PHACTR2: variants seen among roughly 807,000 people sequenced by gnomAD.
The protein encoded by PHACTR2 is phosphatase and actin regulator 2, also known as chromosome 6 open reading frame 56.
A neutral mutation model predicts 76.0 loss-of-function variants in PHACTR2; 30 were observed. The ratio of observed to expected loss-of-function variants is 0.39; its 90% CI spans 0.30 to 0.54. PHACTR2 has a LOEUF of 0.54. PHACTR2 is among the 20% of genes least tolerant of loss of function. The probability of loss-of-function intolerance (pLI) is 0.61; values close to 1 mark genes in which losing one functional copy is unlikely to be tolerated. For missense variants in PHACTR2, 696 were observed against 781.1 expected, an observed-to-expected ratio of 0.89 and a Z score of 1.30; for synonymous variants, 292 against 292.5, an observed-to-expected ratio of 1.00 and a Z score of 0.02.
Position 143,820,844 on chromosome 6 carries a change from G to T in PHACTR2, c.1923-2830G>T, listed in dbSNP as rs1206888733. Reference sequence around the variant, plus strand: ...TGTGGGGGCTGTGCCCTTCCAGTAGGCTTCTGCCTGGACACCCAGGCTTTT... The same window carrying T: ...TGTGGGGGCTGTGCCCTTCCAGTAGTCTTCTGCCTGGACACCCAGGCTTTT... On this transcript the variant is annotated intron_variant, in intron 12 of 12. Transcript: ENST00000440869. This position sits in a 1 kb window ranked among gnomAD's most constrained non-coding sequence, Gnocchi z 4.2. Among the ~76,000 whole-genome samples the T allele has an allele frequency of 1.3e-5, 2 of 152,224 alleles. No individual in the cohort carries two copies. Among genetic ancestry groups the T allele is most frequent in the African/African-American group, 4.8e-5 (2 of 41,450 alleles).
chr6:143,737,676 C>T (rs1778851162), intron 2 of PHACTR2, among the ~76,000 whole-genome samples: 4 of 152,184 alleles, frequency 2.6e-5, no homozygotes, highest in African/African-American at 9.7e-5. Context: ...GTTTCAGCTA[C>T]AGTGAAAAGT....
intron 1 of PHACTR2, among the ~76,000 whole-genome samples, chr6:143,629,693 G>C (rs1409667871): frequency 6.6e-6 from 1 of 152,054 alleles, no homozygotes; most frequent in Non-Finnish European, 1.5e-5. Context: ...TTTACATGTT[G>C]AGTGTGCTGC....
intron 1 of PHACTR2, among the ~76,000 whole-genome samples, chr6:143,650,459 G>A (rs1364079232): frequency 6.6e-6 from 1 of 152,090 alleles, no homozygotes; most frequent in Non-Finnish European, 1.5e-5. Flanking sequence ...AACAAAAATA[G>A]CATGGTACTG....
intron 1 of PHACTR2, among the ~76,000 whole-genome samples, chr6:143,579,432 A>C (rs1775548924): frequency 6.6e-6 from 1 of 152,142 alleles, no homozygotes; most frequent in Admixed American, 6.5e-5. Context: ...AACAACAACA[A>C]CAACAAAACA....
chr6:143,629,545 A>G (rs1041006002), intron 1 of PHACTR2, among the ~76,000 whole-genome samples: 3 of 152,156 alleles, frequency 2.0e-5, no homozygotes, highest in African/African-American at 7.2e-5. Context: ...ATGGAAGCTC[A>G]TACAAATTAG....
At position 143,827,522 on chromosome 6, in the gene PHACTR2, GA is replaced by G. The variant is rs1317750346; in HGVS notation, c.*3836del. On this transcript the variant is annotated 3_prime_UTR_variant, in exon 13 of 13. Transcript: ENST00000440869. ...AAATCTTCCTCAGAGTAGGTGGTAT[GA>G]AATTAAACTAGTACAATATATATGA... 3 of 152,040 alleles carry G rather than the reference GA, an allele frequency of 2.0e-5. No individual in the cohort carries two copies. The highest frequency in any genetic ancestry group is 2.9e-5 in the Non-Finnish European group (2 of 68,006). The allele number at this position is 152,040 out of a possible 1,614,324, so 9.4% of individuals were successfully genotyped here.
intron 11 of PHACTR2, among the ~76,000 whole-genome samples, chr6:143,799,658 A>T (rs978534898): frequency 6.6e-6 from 1 of 152,214 alleles, no homozygotes; most frequent in African/African-American, 2.4e-5. Flanking sequence ...GTAGTCATTC[A>T]GGAGCAGGTT....
chr6:143,689,587 C>T lies in PHACTR2; in HGVS notation c.46+11378C>T, dbSNP rs1418610584. On this transcript the variant is annotated intron_variant, in intron 1 of 12. Transcript: ENST00000440869. The surrounding 1 kb of genome is among the most constrained non-coding windows in gnomAD (Gnocchi z 4.4). ...TCTACTGAGCTCACAGTATGGAAACCGAACACGTAGTTCTCTTTTTTACCC... is the reference window on the plus strand; with the variant it reads ...TCTACTGAGCTCACAGTATGGAAACTGAACACGTAGTTCTCTTTTTTACCC... Among the ~76,000 whole-genome samples, 7 of 152,086 alleles carry T rather than the reference C, an allele frequency of 4.6e-5. No homozygotes were observed. Among genetic ancestry groups the T allele is most frequent in the Admixed American group, 1.3e-4 (2 of 15,262 alleles).
At chr6:143,572,019 G>A (rs1460968075) in intron 1 of PHACTR2, among the ~76,000 whole-genome samples, 1 of 152,064 alleles carries the variant, frequency 6.6e-6, no homozygotes, top group South Asian at 2.1e-4. Flanking sequence ...AGCCTATTTT[G>A]ATACATATGC....
In PHACTR2 at chr6:143,767,649, ATCT is replaced by A. The variant is rs2128474082; in HGVS notation, c.1232+1856_1232+1858del. ...ATCAAGGCAGCAGCATTTGGCAAGG[ATCT>A]TCTTTCCATGTCATCACATGGTGGA... On this transcript the variant is annotated intron_variant, in intron 6 of 12. Transcript: ENST00000440869. The surrounding 1 kb of genome is among the most constrained non-coding windows in gnomAD (Gnocchi z 4.4). Among the ~76,000 whole-genome samples, 2 of 152,266 alleles carry A rather than the reference ATCT, an allele frequency of 1.3e-5. No individual in the cohort carries two copies. The highest frequency in any genetic ancestry group is 4.1e-4 in the South Asian group (2 of 4,824).
At chr6:143,629,332 T>C (rs1776320509) in intron 1 of PHACTR2, among the ~76,000 whole-genome samples, 1 of 152,130 alleles carries the variant, frequency 6.6e-6, no homozygotes, top group African/African-American at 2.4e-5. Context: ...TCAGTCTAAA[T>C]TTTTCCTTTC....
chr6:143,764,403 C>T lies in PHACTR2; in HGVS notation c.695-858C>T, dbSNP rs1779507437. ...AGGCATGGTGGTACACACCTGTAGT[C>T]CCAGCTACTCAGGAGGCTAAGGCAG... On this transcript the variant is annotated intron_variant, in intron 5 of 12. Transcript: ENST00000440869. This position sits in a 1 kb window ranked among gnomAD's most constrained non-coding sequence, Gnocchi z 4.7. Among the ~76,000 whole-genome samples the T allele has an allele frequency of 6.6e-6, 1 of 151,986 alleles. No homozygotes were observed. The highest frequency in any genetic ancestry group is 2.4e-5 in the African/African-American group (1 of 41,360).
rs201424487 is a variant in PHACTR2 at position 143,814,596 on chromosome 6, T to C, written c.1922+7463T>C. Among the ~76,000 whole-genome samples, 25 of 52,324 alleles carry C rather than the reference T, an allele frequency of 4.8e-4. No individual in the cohort carries two copies. The East Asian group carries it at 7.6e-3, about 16-fold the overall frequency. The allele number at this position is 52,324 out of a possible 152,430, so 34.3% of individuals were successfully genotyped here. A position where few individuals can be genotyped will look rare whatever the true frequency, so the allele number is the denominator to read the frequency against. On this transcript the variant is annotated intron_variant, in intron 12 of 12. Transcript: ENST00000440869. ...CGTATGGACACATAGACATACACAC[T>C]TTTTTTTTTTTTTTTTTTTTTTTTA...
chr6:143,577,491 AG>A (rs953055408), intron 1 of PHACTR2, among the ~76,000 whole-genome samples: 2 of 152,246 alleles, frequency 1.3e-5, no homozygotes, highest in African/African-American at 4.8e-5. Context: ...TAGCAAAAAA[AG>A]GTGTGAAAAA....
Position 143,599,852 on chromosome 6 carries a change from G to T in PHACTR2, c.217+62645G>T, listed in dbSNP as rs1006639066. ...GGGCCCAAATGCTTTCAGGAGCCAG[G>T]CAGGCCATGTAAGTGTGTGTAGCTC... is the stretch of plus-strand genomic sequence containing the variant. On this transcript the variant is annotated intron_variant, in intron 1 of 11. Transcript: ENST00000367584. The surrounding 1 kb of genome is among the most constrained non-coding windows in gnomAD (Gnocchi z 4.6). Among the ~76,000 whole-genome samples the T allele has an allele frequency of 6.6e-5, 10 of 152,178 alleles. No individual in the cohort carries two copies. The highest frequency in any genetic ancestry group is 9.7e-5 in the African/African-American group (4 of 41,434).
Position 143,782,227 on chromosome 6 carries a change from A to AAAAAT in PHACTR2, c.1646-982_1646-978dup, listed in dbSNP as rs1244901464. Reference sequence around the variant, plus strand: ...GGTGACAGAGCGAGAATCCGTTTCAAAAAATAAAATAAAAATAAAAATAAA... The same window carrying AAAAAT: ...GGTGACAGAGCGAGAATCCGTTTCAAAAAATAAAATAAAATAAAAATAAAAATAAA... On this transcript the variant is annotated intron_variant, in intron 9 of 12. Transcript: ENST00000440869. This position sits in a 1 kb window ranked among gnomAD's most constrained non-coding sequence, Gnocchi z 4.6. Among the ~76,000 whole-genome samples the AAAAAT allele has an allele frequency of 1.3e-5, 2 of 152,202 alleles. No individual in the cohort carries two copies. The highest frequency in any genetic ancestry group is 4.8e-5 in the African/African-American group (2 of 41,468).
chr6:143,576,464 T>C (rs1775514289), intron 1 of PHACTR2, among the ~76,000 whole-genome samples: 4 of 152,274 alleles, frequency 2.6e-5, no homozygotes, highest in African/African-American at 9.6e-5. Context: ...TTAAGCATAG[T>C]GTTCATGACT....
rs7743788 is a variant in PHACTR2 at position 143,713,642 on chromosome 6, G to A, written c.214+1459G>A. Among the ~76,000 whole-genome samples, 1,381 of 152,236 alleles carry A rather than the reference G, an allele frequency of 9.1e-3. 20 individuals are homozygous for A. The highest frequency in any genetic ancestry group is 0.032 in the African/African-American group (1,310 of 41,536). The stretch of plus-strand genomic sequence containing the variant: ...AGGTCAGATCAGCCTCAGTTTTCTC[G>A]CCTGCAAAATCGGGTAGTTGAATGT... On this transcript the variant is annotated intron_variant, in intron 2 of 12. Transcript: ENST00000440869.
rs1267940507 is a variant in PHACTR2, at chr6:143,827,667, A to G, written c.*3978A>G. ...CTTTGGGATAAGAATTAATTTCTTCACACTATTAGAGCATGTTGTGAGTAG... is the reference window on the plus strand; with the variant it reads ...CTTTGGGATAAGAATTAATTTCTTCGCACTATTAGAGCATGTTGTGAGTAG... On this transcript the variant is annotated 3_prime_UTR_variant, in exon 13 of 13. Coordinates refer to ENST00000440869, the MANE Select transcript of PHACTR2 (RefSeq NM_001100164.2). 6.6e-6 allele frequency: 1 copy of G among 152,160 alleles called. No homozygotes were observed. The highest frequency in any genetic ancestry group is 1.5e-5 in the Non-Finnish European group (1 of 68,032). The allele number at this position is 152,160 out of a possible 1,614,324, so 9.4% of individuals were successfully genotyped here. A position where few individuals can be genotyped will look rare whatever the true frequency, so the allele number is the denominator to read the frequency against.
Sources: gnomAD v4.1 joint callset for allele counts (sites outside exome capture counted in the v4.1 genomes callset) on GRCh38, gnomAD v4.1.1 for gene constraint, Gnocchi (gnomAD v3.1) non-coding constraint, MANE v1.5 for transcripts, NCBI Gene and HGNC (gene_info 2026-07-23, HGNC 2026-07-21) for gene names.